The following KLK7 variants were observed in gnomAD, a reference collection of about 807,000 sequenced individuals.
KLK7 encodes kallikrein-7.
In KLK7, 17 loss-of-function variants were observed where a neutral mutation model predicts 21.0. The ratio of observed to expected loss-of-function variants is 0.81; its 90% CI spans 0.55 to 1.21. The LOEUF is 1.21. KLK7 is among the 50% of genes most tolerant of loss of function. The probability of loss-of-function intolerance (pLI) is 0.00; values close to 1 mark genes in which losing one functional copy is unlikely to be tolerated. For missense variants in KLK7, 330 were observed against 322.8 expected (o/e 1.02, Z -0.17); for synonymous variants, 151 against 134.6 (o/e 1.12, Z -0.85).
Position 50,980,867 on chromosome 19 carries a change from T to TCCAGAGAGAGAGGGACAGAGAC in KLK7, c.222-402_222-381dup, listed in dbSNP as rs1304067150. 2.8e-3 allele frequency among the ~76,000 whole-genome samples: 171 copies of TCCAGAGAGAGAGGGACAGAGAC among 61,708 alleles called. 2 individuals carry two copies. The highest frequency in any genetic ancestry group is 0.011 in the African/African-American group (158 of 14,086). The allele number at this position is 61,708 out of a possible 152,430, so 40.5% of individuals were successfully genotyped here. ...ACCCAGAGAGAGAGGGGGACAGAGA[T>TCCAGAGAGAGAGGGACAGAGAC]CCAGAGAGAGAGGGACAGAGACCCA... is the stretch of plus-strand genomic sequence containing the variant. On this transcript the variant is annotated intron_variant, in intron 3 of 5. Coordinates refer to ENST00000595820, the MANE Select transcript of KLK7 (RefSeq NM_005046.4).
intron 1 of KLK7, among the ~76,000 whole-genome samples, chr19:50,983,482 A>G (rs1258590583): frequency 2.2e-5 from 2 of 90,866 alleles, no homozygotes; most frequent in Non-Finnish European, 4.3e-5. Context: ...CTCCTCCCTC[A>G]GACCCAGGAG....
intron 1 of KLK7, among the ~76,000 whole-genome samples, chr19:50,983,174 T>C (rs116496436): frequency 0.012 from 1,250 of 103,384 alleles, 134 homozygotes; most frequent in African/African-American, 0.054. Context: ...GGAGTCCAGG[T>C]CTCAGTCCCT....
At chr19:50,978,493 G>A (rs1394250017) in intron 5 of KLK7, among the ~76,000 whole-genome samples, 1 of 144,834 alleles carries the variant, frequency 6.9e-6, no homozygotes, top group Non-Finnish European at 1.5e-5. Flanking sequence ...AGAGATGGGG[G>A]TGGAAAAGAA....
intron 2 of KLK7, 57 bp from the exon 3 acceptor site, chr19:50,981,971 T>G (rs978866582): frequency 4.7e-5 from 73 of 1,560,454 alleles, no homozygotes; most frequent in Admixed American, 7.0e-5. Context: ...AGGCTGAGGC[T>G]GCACCTCAGG....
chr19:50,983,608 GTTC>G (rs1393586431), intron 1 of KLK7, among the ~76,000 whole-genome samples: 4 of 151,954 alleles, frequency 2.6e-5, no homozygotes, highest in Non-Finnish European at 5.9e-5. Context: ...CAAAATTCCT[GTTC>G]TTCAGATCCC....
chr19:50,979,254 C>T (rs2091058377), intron 5 of KLK7, among the ~76,000 whole-genome samples: 1 of 152,104 alleles, frequency 6.6e-6, no homozygotes, highest in Non-Finnish European at 1.5e-5. Context: ...CAGTACTTAA[C>T]GAAATCAAAT....
At position 50,982,392 on chromosome 19, in the gene KLK7, C is replaced by T; in HGVS notation, c.8G>A (p.Arg3Lys). The T allele has an allele frequency of 6.2e-7, 1 of 1,608,062 alleles. No homozygotes were observed. The highest frequency in any genetic ancestry group is 8.5e-7 in the Non-Finnish European group (1 of 1,177,448). Reference sequence around the variant, plus strand: ...GATCTGCAGGGGCAGGAGAAGGGATCTTGCCATGGTGCCCTGCTGAGCCGC... The same window carrying T: ...GATCTGCAGGGGCAGGAGAAGGGATTTTGCCATGGTGCCCTGCTGAGCCGC... The part of the protein sequence containing the change: MA[R>K]SLLLPLQILL... The change falls in exon 2 of 6, where the codon AGA becomes AAA. Residue 3 changes from arginine (R) to lysine (K), a missense_variant. By Grantham distance (26) the Arg-to-Lys change is conservative (BLOSUM62 2). Coordinates refer to ENST00000595820, the MANE Select transcript of KLK7 (RefSeq NM_005046.4).
Position 50,982,384 on chromosome 19 carries a change from G to A in KLK7, c.16C>T (p.Leu6Phe). 6.2e-7 allele frequency: 1 copy of A among 1,608,792 alleles called. No individual in the cohort carries two copies. MARSLLLPLQILLLSL... is the reference protein window; with the variant it reads MARSLFLPLQILLLSL... ...AGCAGTAAGATCTGCAGGGGCAGGA[G>A]AAGGGATCTTGCCATGGTGCCCTGC... is the stretch of plus-strand genomic sequence containing the variant. Residue 6 changes from leucine to phenylalanine, a missense_variant, in exon 2 of 6, where the codon CTC (leucine) becomes TTC (phenylalanine). Transcript: ENST00000595820.
intron 5 of KLK7, 31 bp from the exon 6 acceptor site, chr19:50,977,722 G>A (rs1298245898): frequency 3.7e-6 from 6 of 1,605,010 alleles, no homozygotes. Flanking sequence ...GATTAACTTT[G>A]GCTTCAGATC....
chr19:50,980,150 G>A (rs1434403818), intron 4 of KLK7, 90 bp downstream of exon 4: 1 of 1,420,498 alleles, frequency 7.0e-7, no homozygotes, highest in Non-Finnish European at 9.6e-7. Flanking sequence ...GGACTCCTGG[G>A]TCTGAGGGAG....
chr19:50,977,528 G>A lies in KLK7; in HGVS notation c.*8C>T, dbSNP rs1234386088. Reference sequence around the variant, plus strand: ...TGGAAGCACACAGTTAATTAACTCAGTGTGGCGTTAGCGATGCTTTTTCAT... The same window carrying A: ...TGGAAGCACACAGTTAATTAACTCAATGTGGCGTTAGCGATGCTTTTTCAT... On this transcript the variant is annotated 3_prime_UTR_variant, in exon 6 of 6. Coordinates refer to ENST00000595820, the MANE Select transcript of KLK7 (RefSeq NM_005046.4). The A allele has an allele frequency of 6.2e-7, 1 of 1,612,986 alleles. No individual in the cohort carries two copies. The highest frequency in any genetic ancestry group is 1.7e-5 in the Admixed American group (1 of 60,004).
At chr19:50,982,837 G>C (rs2091101057) in intron 1 of KLK7, among the ~76,000 whole-genome samples, 1 of 117,028 alleles carries the variant, frequency 8.5e-6, no homozygotes, top group African/African-American at 3.4e-5. Flanking sequence ...CTCAGACCTA[G>C]GAGTCCAGGT....
intron 5 of KLK7, among the ~76,000 whole-genome samples, chr19:50,978,292 T>C (rs2091051169): frequency 6.6e-6 from 1 of 152,054 alleles, no homozygotes. Context: ...AGGACAGTCA[T>C]CTCTCTCCCA....
intron 3 of KLK7, 132 bp from the exon 4 acceptor site, chr19:50,980,619 GAC>G: frequency 9.6e-7 from 1 of 1,037,446 alleles, no homozygotes; most frequent in African/African-American, 1.6e-5. Context: ...GAGGAGGGGA[GAC>G]AGAGACCCAG....
intron 5 of KLK7, 138 bp downstream of exon 5, chr19:50,979,650 T>G: frequency 1.3e-6 from 1 of 778,292 alleles, no homozygotes; most frequent in Admixed American, 2.6e-5. Context: ...GAGAATGAGG[T>G]GGAAAAAGCT....
rs1010839421 is a variant in KLK7, at chr19:50,979,162, G to A, written c.606+626C>T. Among the ~76,000 whole-genome samples the A allele has an allele frequency of 6.6e-5, 10 of 152,160 alleles. 1 individual carries two copies. Among genetic ancestry groups the A allele is most frequent in the Non-Finnish European group, 1.0e-4 (7 of 67,984 alleles). ...GGTGGAGAGAAAGAGTGTTTTCCCC[G>A]GGACCAGGGCCAGGGTCAGGTGAGT... is the stretch of plus-strand genomic sequence containing the variant. On this transcript the variant is annotated intron_variant, in intron 5 of 5. Coordinates refer to ENST00000595820, the MANE Select transcript of KLK7 (RefSeq NM_005046.4).
intron 3 of KLK7, 100 bp from the exon 4 acceptor site, chr19:50,980,587 AGGG>A: frequency 7.2e-7 from 1 of 1,383,208 alleles, no homozygotes; most frequent in South Asian, 1.3e-5. Context: ...CAGAGAGAGG[AGGG>A]GGGACAGAGA....
At chr19:50,982,080 T>C in intron 2 of KLK7, 166 bp from the exon 3 acceptor site, 1 of 873,008 alleles carries the variant, frequency 1.1e-6, no homozygotes, top group Non-Finnish European at 1.7e-6. Context: ...AGGAGCCCAC[T>C]CAGAAACCCA....
rs199929979 is a variant in KLK7, at chr19:50,982,408, G to A, written c.-9C>T. On this transcript the variant is annotated 5_prime_UTR_variant, in exon 2 of 6. Coordinates refer to ENST00000595820, the MANE Select transcript of KLK7 (RefSeq NM_005046.4). ...AGAAGGGATCTTGCCATGGTGCCCT[G>A]CTGAGCCGCTCAGGGGCTGCCAGGC... 70 of 1,604,316 alleles carry A rather than the reference G, an allele frequency of 4.4e-5. No homozygotes were observed. The highest frequency in any genetic ancestry group is 5.8e-5 in the Non-Finnish European group (68 of 1,175,664).
Sources: allele counts gnomAD v4.1 joint callset (sites outside exome capture counted in the v4.1 genomes callset), GRCh38; gene constraint gnomAD v4.1.1; transcripts MANE v1.5; gene names NCBI Gene and HGNC (gene_info 2026-07-23, HGNC 2026-07-21).